Variants in TMOD2 observed in about 807,000 individuals in gnomAD.
TMOD2 encodes tropomodulin 2.
A neutral mutation model predicts 39.9 loss-of-function variants in TMOD2; 22 were observed. That is an observed-to-expected ratio of 0.55 (90% CI 0.39 to 0.79). TMOD2 has a LOEUF of 0.79. Among genes scored for constraint, TMOD2 ranks in the 30% least tolerant of loss-of-function variants. TMOD2 has a pLI of 0.00. For missense variants in TMOD2, 386 were observed against 413.3 expected (o/e 0.93, Z 0.57); for synonymous variants, 123 against 146.1 (o/e 0.84, Z 1.14).
Position 51,806,474 on chromosome 15 carries a change from G to A in TMOD2, c.974G>A (p.Gly325Glu). The change falls in exon 9 of 10, where the codon GGG becomes GAG. Residue 325 changes from glycine to glutamate, a missense_variant. By Grantham distance (98) the Gly-to-Glu change is moderately conservative. Transcript: ENST00000249700. ...LKFGYQFTKQ[G>E]PRTRVAAAIT... Reference sequence around the variant, plus strand: ...TTTGGATACCAGTTTACCAAGCAAGGGCCACGAACAAGGGTGGCAGCTGCC... The same window carrying A: ...TTTGGATACCAGTTTACCAAGCAAGAGCCACGAACAAGGGTGGCAGCTGCC... 1 of 1,614,116 alleles carries A rather than the reference G, an allele frequency of 6.2e-7. No homozygotes were observed. Among genetic ancestry groups the A allele is most frequent in the Non-Finnish European group, 8.5e-7 (1 of 1,180,024 alleles).
intron 8 of TMOD2, 140 bp downstream of exon 8, chr15:51,798,480 C>G: frequency 9.6e-7 from 1 of 1,042,402 alleles, no homozygotes; most frequent in Non-Finnish European, 1.4e-6. Context: ...AGTTTTAGAA[C>G]CATTTCTGGC....
intron 4 of TMOD2, among the ~76,000 whole-genome samples, chr15:51,776,386 G>T (rs2055889514): frequency 6.6e-6 from 1 of 152,146 alleles, no homozygotes; most frequent in Admixed American, 6.6e-5. Flanking sequence ...CAAGTTCTGT[G>T]TAATACAGGA....
intron 2 of TMOD2, among the ~76,000 whole-genome samples, chr15:51,767,714 G>A (rs908510502): frequency 1.3e-5 from 2 of 151,846 alleles, no homozygotes; most frequent in Non-Finnish European, 2.9e-5. Context: ...TATGTATATG[G>A]TATTCTGATA....
chr15:51,782,047 A>T lies in TMOD2; in HGVS notation c.625-674A>T, dbSNP rs73407388. 5.0e-3 allele frequency among the ~76,000 whole-genome samples: 754 copies of T among 152,292 alleles called. 10 individuals are homozygous for T. The highest frequency in any genetic ancestry group is 0.017 in the African/African-American group (720 of 41,542). On this transcript the variant is annotated intron_variant, in intron 6 of 9. Transcript: ENST00000249700. ...TGTAGTGCAGCCAGGACTCTTCTCC[A>T]CTTCTAACTGCACCCCACATTGTCT...
At chr15:51,762,660 C>T (rs1305361393) in intron 1 of TMOD2, among the ~76,000 whole-genome samples, 1 of 152,058 alleles carries the variant, frequency 6.6e-6, no homozygotes, top group Non-Finnish European at 1.5e-5. Context: ...TGCAACATCC[C>T]CAAAAGGTTC....
rs558887821 is a variant in TMOD2, at chr15:51,790,094, A to G, written c.732+7266A>G. Among the ~76,000 whole-genome samples, 7 of 152,084 alleles carry G rather than the reference A, an allele frequency of 4.6e-5. No homozygotes were observed. In the East Asian group the frequency reaches 1.2e-3, roughly 25 times the overall value. ...GAGCTGGTTTTTTGAAAAGATCAAC[A>G]AAATAGACCACTAGCAAGACTAACA... is the stretch of plus-strand genomic sequence containing the variant. On this transcript the variant is annotated intron_variant, in intron 7 of 9. Transcript: ENST00000249700.
At chr15:51,801,767 T>C (rs894867849) in intron 8 of TMOD2, among the ~76,000 whole-genome samples, 3 of 152,194 alleles carry the variant, frequency 2.0e-5, no homozygotes, top group Non-Finnish European at 4.4e-5. Flanking sequence ...AAGATATGCT[T>C]AAACATTTGT....
At chr15:51,780,888 A>G (rs2055925046) in intron 5 of TMOD2, among the ~76,000 whole-genome samples, 156 bp from the exon 6 acceptor site, 1 of 151,884 alleles carries the variant, frequency 6.6e-6, no homozygotes, top group Admixed American at 6.6e-5. Flanking sequence ...TAGCTATACC[A>G]CTCCCATGCT....
At chr15:51,805,234 ACAGG>A (rs2056114609) in intron 8 of TMOD2, among the ~76,000 whole-genome samples, 1 of 152,190 alleles carries the variant, frequency 6.6e-6, no homozygotes, top group Non-Finnish European at 1.5e-5. Context: ...TGCTGGGATT[ACAGG>A]CAGGAGCCAC....
intron 8 of TMOD2, among the ~76,000 whole-genome samples, chr15:51,802,876 G>A (rs927947060): frequency 1.3e-5 from 2 of 152,138 alleles, no homozygotes; most frequent in Admixed American, 6.5e-5. Context: ...TCGTTTGAGG[G>A]GTTGCTGGAT....
intron 9 of TMOD2, among the ~76,000 whole-genome samples, chr15:51,807,471 G>A (rs2056128437): frequency 6.6e-6 from 1 of 152,234 alleles, no homozygotes; most frequent in Non-Finnish European, 1.5e-5. Flanking sequence ...ACACGTGACA[G>A]TGCTTACCTG....
At chr15:51,796,975 G>A (rs1029761437) in intron 7 of TMOD2, among the ~76,000 whole-genome samples, 8 of 152,320 alleles carry the variant, frequency 5.3e-5, no homozygotes, top group Admixed American at 2.0e-4. Flanking sequence ...GGGACAGCAC[G>A]GAGATGCTGG....
At chr15:51,803,704 A>G (rs2056104580) in intron 8 of TMOD2, among the ~76,000 whole-genome samples, 1 of 152,224 alleles carries the variant, frequency 6.6e-6, no homozygotes, top group African/African-American at 2.4e-5. Context: ...TTTTCAGCAC[A>G]TTTGACAAAG....
chr15:51,766,761 G>A (rs2055818964), intron 2 of TMOD2, 194 bp downstream of exon 2: 2 of 435,416 alleles, frequency 4.6e-6, no homozygotes. Context: ...TACAGCAAAT[G>A]TATTTCTCAA....
At chr15:51,771,414 G>T (rs139760179) in intron 3 of TMOD2, among the ~76,000 whole-genome samples, 12 of 152,330 alleles carry the variant, frequency 7.9e-5, no homozygotes, top group African/African-American at 2.4e-4. Flanking sequence ...CTTAGAACTT[G>T]TTATTTGGTT....
At chr15:51,793,057 T>A (rs2056023659) in intron 7 of TMOD2, among the ~76,000 whole-genome samples, 1 of 152,152 alleles carries the variant, frequency 6.6e-6, no homozygotes, top group Non-Finnish European at 1.5e-5. Context: ...AAGCCCCATG[T>A]ATAAATTTAA....
chr15:51,800,999 G>A (rs2056083472), intron 8 of TMOD2, among the ~76,000 whole-genome samples: 7 of 152,196 alleles, frequency 4.6e-5, no homozygotes, highest in Middle Eastern at 3.4e-3. Context: ...GCCCCACCGC[G>A]CCTAGCCTGG....
chr15:51,777,860 GA>G (rs2055899784), intron 5 of TMOD2, among the ~76,000 whole-genome samples: 1 of 152,178 alleles, frequency 6.6e-6, no homozygotes, highest in African/African-American at 2.4e-5. Context: ...AGGATGTGGA[GA>G]AATAGGAACA....
At chr15:51,806,347 TC>T in intron 8 of TMOD2, 29 bp from the exon 9 acceptor site, 2 of 1,611,940 alleles carry the variant, frequency 1.2e-6, no homozygotes, top group Non-Finnish European at 1.7e-6. Context: ...TTCTTGGTCA[TC>T]CTGTGCATGT....
Sources: allele counts gnomAD v4.1 joint callset (sites outside exome capture counted in the v4.1 genomes callset), GRCh38; gene constraint gnomAD v4.1.1; transcripts MANE v1.5; gene names NCBI Gene and HGNC (gene_info 2026-07-23, HGNC 2026-07-21).